TRDMT1: variants seen among roughly 807,000 people sequenced by gnomAD.
TRDMT1 encodes tRNA aspartic acid methyltransferase 1.
In TRDMT1, 49 loss-of-function variants were observed where a neutral mutation model predicts 51.2. The ratio of observed to expected loss-of-function variants is 0.96; its 90% CI spans 0.76 to 1.21. TRDMT1 has a LOEUF of 1.21. Among genes scored for constraint, TRDMT1 ranks in the 50% most tolerant of loss-of-function variants. The pLI is 0.00. For missense variants in TRDMT1, 534 were observed against 462.3 expected, an observed-to-expected ratio of 1.16 and a Z score of -1.42; for synonymous variants, 187 against 164.6, an observed-to-expected ratio of 1.14 and a Z score of -1.04.
chr10:17,159,326 C>A, intron 6 of TRDMT1, 97 bp from the exon 7 acceptor site: 1 of 776,032 alleles, frequency 1.3e-6, no homozygotes, highest in Admixed American at 2.8e-5. Flanking sequence ...AAAACTCAAA[C>A]GAGCCTACAT....
At chr10:17,197,650 A>G (rs1390266117) in intron 1 of TRDMT1, among the ~76,000 whole-genome samples, 1 of 152,258 alleles carries the variant, frequency 6.6e-6, no homozygotes, top group Non-Finnish European at 1.5e-5. Context: ...CTACAACTCA[A>G]TAACAAAAAG....
In TRDMT1 at chr10:17,149,711, T is replaced by C. The variant is rs899249237; in HGVS notation, c.1076-571A>G. Among the ~76,000 whole-genome samples the C allele has an allele frequency of 2.0e-5, 3 of 152,278 alleles. No homozygotes were observed. The East Asian group carries it at 5.8e-4, about 29-fold the overall frequency. On this transcript the variant is annotated intron_variant, in intron 10 of 10. Transcript: ENST00000377799. Reference sequence around the variant, plus strand: ...TTCTAGGAGTGTCTACTGGATTATATTTCATATAAATGGAGCCATAAAATA... The same window carrying C: ...TTCTAGGAGTGTCTACTGGATTATACTTCATATAAATGGAGCCATAAAATA...
intron 10 of TRDMT1, chr10:17,150,457 T>C: frequency 1.0e-6 from 1 of 985,352 alleles, no homozygotes; most frequent in Non-Finnish European, 1.2e-6. Flanking sequence ...ATTCCTTTCT[T>C]AAAACAAAAA....
intron 1 of TRDMT1, among the ~76,000 whole-genome samples, chr10:17,192,431 T>C (rs184045220): frequency 5.4e-4 from 83 of 152,338 alleles, no homozygotes; most frequent in South Asian, 1.4e-3. Flanking sequence ...GTCCAAATTA[T>C]GAACATAGTT....
chr10:17,153,423 A>C (rs769147187), intron 10 of TRDMT1, 84 bp downstream of exon 10: 2 of 1,499,076 alleles, frequency 1.3e-6, no homozygotes, highest in African/African-American at 2.8e-5. Flanking sequence ...CCATTTGTTT[A>C]GGCAAGTCCT....
rs1034028116 is a variant in TRDMT1 at position 17,137,842 on chromosome 10, A to T, written c.*11198T>A. ...GAAACTCTGCCAAAAAAAAAAGAAA[A>T]AAAAAAAAAGGTTGTTCCACTTGTC... is the stretch of plus-strand genomic sequence containing the variant. On this transcript the variant is annotated 3_prime_UTR_variant, in exon 11 of 11. Coordinates refer to ENST00000377799, the MANE Select transcript of TRDMT1 (RefSeq NM_004412.7). Among the ~76,000 whole-genome samples the T allele has an allele frequency of 2.6e-4, 40 of 151,954 alleles. No individual in the cohort carries two copies. Among genetic ancestry groups the T allele is most frequent in the Non-Finnish European group, 5.1e-4 (35 of 68,012 alleles).
At chr10:17,163,598 A>G (rs4317886) in intron 3 of TRDMT1, among the ~76,000 whole-genome samples, 5 of 151,656 alleles carry the variant, frequency 3.3e-5, no homozygotes, top group South Asian at 4.2e-4. Context: ...TTTTTTGAAA[A>G]GATCAACAAA....
Position 17,170,599 on chromosome 10 carries a change from G to T in TRDMT1, c.175-1682C>A, listed in dbSNP as rs73604297. Among the ~76,000 whole-genome samples the T allele has an allele frequency of 1.9e-3, 294 of 152,204 alleles. 3 individuals are homozygous for T. The highest frequency in any genetic ancestry group is 6.8e-3 in the African/African-American group (284 of 41,528). ...TCATTTGAACTTTAGGAAGAACTTGGTAGATTAGAAAACAACAACTTTTGA... is the reference window on the plus strand; with the variant it reads ...TCATTTGAACTTTAGGAAGAACTTGTTAGATTAGAAAACAACAACTTTTGA... On this transcript the variant is annotated intron_variant, in intron 2 of 10. Transcript: ENST00000377799.
intron 1 of TRDMT1, among the ~76,000 whole-genome samples, chr10:17,199,760 T>C (rs1845913583): frequency 1.3e-5 from 2 of 152,152 alleles, no homozygotes; most frequent in Non-Finnish European, 1.5e-5. Context: ...GGAGGCAGAA[T>C]GGAAGTAAGG....
intron 1 of TRDMT1, among the ~76,000 whole-genome samples, chr10:17,187,671 T>C (rs899903606): frequency 2.0e-5 from 3 of 152,112 alleles, no homozygotes; most frequent in Non-Finnish European, 2.9e-5. Flanking sequence ...TAGGCAGTAA[T>C]AAGTGTTAAA....
intron 1 of TRDMT1, among the ~76,000 whole-genome samples, chr10:17,182,961 C>T (rs1034947937): frequency 1.2e-4 from 18 of 152,152 alleles, no homozygotes; most frequent in African/African-American, 4.3e-4. Context: ...GATAAATGAA[C>T]ACTGTCTAAT....
At chr10:17,185,197 G>A (rs1046143036) in intron 1 of TRDMT1, among the ~76,000 whole-genome samples, 1 of 152,170 alleles carries the variant, frequency 6.6e-6, no homozygotes, top group African/African-American at 2.4e-5. Flanking sequence ...ATTATTGAAA[G>A]TGCAAAGACT....
chr10:17,188,149 G>A (rs1259836818), intron 1 of TRDMT1, among the ~76,000 whole-genome samples: 1 of 151,896 alleles, frequency 6.6e-6, no homozygotes, highest in African/African-American at 2.4e-5. Context: ...CATGGGAAGG[G>A]AAAAGGGTAT....
intron 3 of TRDMT1, 103 bp downstream of exon 3, chr10:17,168,738 T>C (rs1841557340): frequency 1.3e-6 from 1 of 771,230 alleles, no homozygotes; most frequent in African/African-American, 1.8e-5. Context: ...GAACTGTAAG[T>C]CTAGTAAACC....
In TRDMT1 at chr10:17,153,331, C is replaced by T. The variant is rs1432637807; in HGVS notation, c.1075+176G>A. 2.5e-5 allele frequency: 17 copies of T among 691,858 alleles called. No homozygotes were observed. In the East Asian group the frequency reaches 2.5e-4, roughly 10 times the overall value. The allele number at this position is 691,858 out of a possible 1,614,324, so 42.9% of individuals were successfully genotyped here. On this transcript the variant is annotated intron_variant, in intron 10 of 10. Coordinates refer to ENST00000377799, the MANE Select transcript of TRDMT1 (RefSeq NM_004412.7). Reference sequence around the variant, plus strand: ...GGGGGAGAATGAGTCAGTAGAGAACCGAATGAGGCAGTTATGAGGGGAAAG... The same window carrying T: ...GGGGGAGAATGAGTCAGTAGAGAACTGAATGAGGCAGTTATGAGGGGAAAG...
intron 1 of TRDMT1, among the ~76,000 whole-genome samples, chr10:17,197,365 T>C (rs934909902): frequency 6.6e-6 from 1 of 152,024 alleles, no homozygotes; most frequent in African/African-American, 2.4e-5. Context: ...TGTAAATACA[T>C]GGGAAAATAG....
At position 17,159,326 on chromosome 10, in the gene TRDMT1, C is replaced by T. The variant is rs185372461; in HGVS notation, c.460-97G>A. Reference sequence around the variant, plus strand: ...AAACAGCAACAACAAAAAACTCAAACGAGCCTACATTTAGCTTCTACCACA... The same window carrying T: ...AAACAGCAACAACAAAAAACTCAAATGAGCCTACATTTAGCTTCTACCACA... On this transcript the variant is annotated intron_variant, in intron 6 of 10. Coordinates refer to ENST00000377799, the MANE Select transcript of TRDMT1 (RefSeq NM_004412.7). The T allele has an allele frequency of 6.4e-5, 50 of 776,032 alleles. No homozygotes were observed. In the South Asian group the frequency reaches 9.7e-4, roughly 15 times the overall value. The allele number at this position is 776,032 out of a possible 1,614,324, so 48.1% of individuals were successfully genotyped here. A position where few individuals can be genotyped will look rare whatever the true frequency, so the allele number is the denominator to read the frequency against.
At chr10:17,196,036 C>G (rs1336060919) in intron 1 of TRDMT1, among the ~76,000 whole-genome samples, 1 of 152,158 alleles carries the variant, frequency 6.6e-6, no homozygotes, top group Non-Finnish European at 1.5e-5. Context: ...TACACTTCAT[C>G]GTAATGTAGT....
rs34434809 is a variant in TRDMT1 at position 17,145,635 on chromosome 10, G to C, written c.*3405C>G. The stretch of plus-strand genomic sequence containing the variant: ...ACAAGGTAACCTGTTCATAACATAA[G>C]CAATTCAGGAAAACCCACTTTAATC... On this transcript the variant is annotated 3_prime_UTR_variant, in exon 11 of 11. Transcript: ENST00000377799. 295,499 of 985,206 alleles carry C rather than the reference G, an allele frequency of 0.3. 44,758 individuals are homozygous for C. Among genetic ancestry groups the C allele is most frequent in the Non-Finnish European group, 0.31 (257,560 of 829,858 alleles). The allele number at this position is 985,206 out of a possible 1,614,324, so 61.0% of individuals were successfully genotyped here.
Sources: allele counts gnomAD v4.1 joint callset (sites outside exome capture counted in the v4.1 genomes callset), GRCh38; gene constraint gnomAD v4.1.1; transcripts MANE v1.5; gene names NCBI Gene and HGNC (gene_info 2026-07-23, HGNC 2026-07-21).